The following MKLN1 variants were observed in gnomAD, a reference collection of about 807,000 sequenced individuals.
MKLN1 encodes the protein muskelin.
A neutral mutation model predicts 99.0 loss-of-function variants in MKLN1; 18 were observed. The observed-to-expected ratio is 0.18, with a 90% CI of 0.13 to 0.27. MKLN1 has a LOEUF of 0.27. Among genes scored for constraint, MKLN1 ranks in the 10% least tolerant of loss-of-function variants. The pLI is 1.00. For synonymous variants in MKLN1, 288 were observed against 293.2 expected, an observed-to-expected ratio of 0.98 and a Z score of 0.18; for missense variants, 621 against 875.9, an observed-to-expected ratio of 0.71 and a Z score of 3.67.
At chr7:131,469,839 T>G (rs1189702933) in intron 15 of MKLN1, among the ~76,000 whole-genome samples, 1 of 151,514 alleles carries the variant, frequency 6.6e-6, no homozygotes, top group Non-Finnish European at 1.5e-5. Flanking sequence ...TGTTGTTGTT[T>G]AGGAGAACTC....
chr7:131,379,677 A>G (rs1163689522), intron 2 of MKLN1, among the ~76,000 whole-genome samples: 6 of 152,200 alleles, frequency 3.9e-5, no homozygotes, highest in Admixed American at 3.9e-4. Flanking sequence ...GTCAATAATA[A>G]CTATATATTT....
At chr7:131,405,915 A>G (rs890562539) in intron 6 of MKLN1, among the ~76,000 whole-genome samples, 2 of 152,068 alleles carry the variant, frequency 1.3e-5, no homozygotes, top group Non-Finnish European at 2.9e-5. Flanking sequence ...GCAGTGTTGT[A>G]TATTTGTTCA....
chr7:131,407,851 C>T (rs1302611051), intron 6 of MKLN1, among the ~76,000 whole-genome samples: 1 of 152,050 alleles, frequency 6.6e-6, no homozygotes. Flanking sequence ...CTGAATCACT[C>T]CTTCCTCCTC....
chr7:131,196,118 C>A (rs902730796), intron 2 of MKLN1, among the ~76,000 whole-genome samples: 1 of 151,298 alleles, frequency 6.6e-6, no homozygotes. Context: ...TGTAATTTTT[C>A]AAGTTATTAA....
chr7:131,135,421 C>T (rs1467343636), intron 1 of MKLN1, among the ~76,000 whole-genome samples: 1 of 152,194 alleles, frequency 6.6e-6, no homozygotes, highest in Non-Finnish European at 1.5e-5. Flanking sequence ...CGTCTGGCCT[C>T]TCTTCCACTT....
chr7:131,250,338 C>T (rs1265755394), intron 3 of MKLN1, among the ~76,000 whole-genome samples: 1 of 152,178 alleles, frequency 6.6e-6, no homozygotes, highest in Non-Finnish European at 1.5e-5. Context: ...CAAGGCAACT[C>T]AGTGGAGTTG....
At chr7:131,456,898 C>A (rs1365309001) in intron 12 of MKLN1, among the ~76,000 whole-genome samples, 1 of 151,500 alleles carries the variant, frequency 6.6e-6, no homozygotes, top group Non-Finnish European at 1.5e-5. Flanking sequence ...ACCTTGCATA[C>A]TGATATAACT....
chr7:131,402,352 T>C (rs953928091), intron 6 of MKLN1, among the ~76,000 whole-genome samples: 28 of 152,226 alleles, frequency 1.8e-4, no homozygotes, highest in African/African-American at 6.8e-4. Context: ...ATTCTAGTTC[T>C]CTTGCTATTT....
chr7:131,379,414 G>A (rs1425166897), intron 2 of MKLN1, among the ~76,000 whole-genome samples: 1 of 151,978 alleles, frequency 6.6e-6, no homozygotes, highest in African/African-American at 2.4e-5. Context: ...TATATTTAAA[G>A]AAATAAAAGA....
At chr7:131,482,136 G>T (rs759173926) in intron 17 of MKLN1, among the ~76,000 whole-genome samples, 2 of 152,166 alleles carry the variant, frequency 1.3e-5, no homozygotes, top group African/African-American at 2.4e-5. Context: ...CTTATTTTCA[G>T]CAGGGTATGT....
In MKLN1 at chr7:131,478,688, C is replaced by T. The variant is rs747448569; in HGVS notation, c.2086+11C>T. The T allele has an allele frequency of 5.6e-6, 9 of 1,599,082 alleles. No individual in the cohort carries two copies. The highest frequency in any genetic ancestry group is 2.2e-5 in the South Asian group (2 of 90,676). ...ATTTTACAGCTCTGGGTAAGTATTG[C>T]AGTATAATTTATCCAGCTAGATGCC... On this transcript the variant is annotated intron_variant, in intron 17 of 17. Transcript: ENST00000352689.
chr7:131,164,918 G>A (rs560781117), intron 2 of MKLN1, among the ~76,000 whole-genome samples: 16 of 152,340 alleles, frequency 1.1e-4, no homozygotes, highest in African/African-American at 2.4e-4. Flanking sequence ...AATAAGTGCT[G>A]TAGGAGCAAC....
intron 3 of MKLN1, among the ~76,000 whole-genome samples, chr7:131,270,212 C>T (rs187465958): frequency 4.6e-5 from 7 of 151,640 alleles, no homozygotes; most frequent in Admixed American, 2.6e-4. Flanking sequence ...ATGAGCCATG[C>T]ACCCGGCCTA....
At chr7:131,386,874 T>C (rs1794043414) in intron 2 of MKLN1, among the ~76,000 whole-genome samples, 2 of 152,246 alleles carry the variant, frequency 1.3e-5, no homozygotes, top group South Asian at 4.1e-4. Context: ...GTTCTTTTTT[T>C]CCTCCCTTCA....
intron 1 of MKLN1, among the ~76,000 whole-genome samples, chr7:131,140,926 C>T (rs561875649): frequency 1.3e-5 from 2 of 152,132 alleles, no homozygotes; most frequent in African/African-American, 4.8e-5. Flanking sequence ...ACTATAGGCG[C>T]GTGCCACCAT....
rs1554575719 is a variant in MKLN1, at chr7:131,445,759, TTTC to T, written c.1396-9_1396-7del. The T allele has an allele frequency of 6.3e-7, 1 of 1,582,688 alleles. No homozygotes were observed. The highest frequency in any genetic ancestry group is 8.6e-7 in the Non-Finnish European group (1 of 1,167,000). The stretch of plus-strand genomic sequence containing the variant: ...GATAAGTTACTCCTTTCTTTTTTTT[TTTC>T]TTCTTTTTCAGAAAAATCGTTGCTT... On this transcript the variant is annotated splice_polypyrimidine_tract_variant and intron_variant, in intron 11 of 17. Transcript: ENST00000352689.
At chr7:131,327,795 C>CGGGCGGCCGGGGA, upstream of MKLN1, 1 of 1,454,636 alleles carries the variant, frequency 6.9e-7, no homozygotes, top group Non-Finnish European at 9.0e-7. Flanking sequence ...GCGGGGAGCG[C>CGGGCGGCCGGGGA]GGGCGGCCGG....
At chr7:131,131,588 C>G (rs1279228429) in intron 1 of MKLN1, among the ~76,000 whole-genome samples, 1 of 152,162 alleles carries the variant, frequency 6.6e-6, no homozygotes, top group African/African-American at 2.4e-5. Flanking sequence ...GGTTTATGAA[C>G]TTGCTTGTAA....
chr7:131,167,253 G>A (rs1041943212), intron 2 of MKLN1, among the ~76,000 whole-genome samples: 1 of 152,132 alleles, frequency 6.6e-6, no homozygotes, highest in East Asian at 1.9e-4. Context: ...TTGGGACTGG[G>A]CATTGTTATA....
Sources: allele counts gnomAD v4.1 joint callset (sites outside exome capture counted in the v4.1 genomes callset), GRCh38; gene constraint gnomAD v4.1.1; transcripts MANE v1.5; gene names NCBI Gene and HGNC (gene_info 2026-07-23, HGNC 2026-07-21).